GPC6: variants seen among roughly 807,000 people sequenced by gnomAD.
The protein encoded by GPC6 is glypican 6.
GPC6 carries 14 observed loss-of-function variants against 55.2 expected under a neutral mutation model. The observed-to-expected ratio is 0.25, with a 90% confidence interval of 0.17 to 0.40. The LOEUF is 0.40. GPC6 is among the 10% of genes least tolerant of loss of function. GPC6 has a pLI of 1.00. For missense variants in GPC6, 641 were observed against 708.5 expected, an observed-to-expected ratio of 0.90 and a Z score of 1.08; for synonymous variants, 278 against 259.6, an observed-to-expected ratio of 1.07 and a Z score of -0.68.
At chr13:93,457,735 T>C (rs1219162913) in intron 1 of GPC6, among the ~76,000 whole-genome samples, 1 of 150,160 alleles carries the variant, frequency 6.7e-6, no homozygotes, top group African/African-American at 2.4e-5. Context: ...TTCAAAGAAG[T>C]AGAGAAACGC....
At chr13:94,175,765 A>C (rs1344622548) in intron 4 of GPC6, among the ~76,000 whole-genome samples, 1 of 150,358 alleles carries the variant, frequency 6.7e-6, no homozygotes, top group Non-Finnish European at 1.5e-5. Context: ...GATATTGAGC[A>C]TCTTTCATAT....
At chr13:94,229,397 T>C (rs1328471383) in intron 4 of GPC6, among the ~76,000 whole-genome samples, 3 of 152,198 alleles carry the variant, frequency 2.0e-5, no homozygotes, top group Non-Finnish European at 4.4e-5. Flanking sequence ...AGAATATTTA[T>C]TGGTGTTTGT....
chr13:93,574,805 T>C (rs1465276706), intron 2 of GPC6, among the ~76,000 whole-genome samples: 2 of 152,180 alleles, frequency 1.3e-5, no homozygotes, highest in Non-Finnish European at 2.9e-5. Context: ...GAATATTTCA[T>C]ATAAATAGAA....
chr13:93,440,431 T>A (rs1566358610), intron 1 of GPC6, among the ~76,000 whole-genome samples: 3 of 152,202 alleles, frequency 2.0e-5, no homozygotes, highest in African/African-American at 7.2e-5. Flanking sequence ...TAATCAAATT[T>A]CACAGTTTTC....
At chr13:94,148,025 A>G (rs1375178374) in intron 4 of GPC6, among the ~76,000 whole-genome samples, 1 of 152,188 alleles carries the variant, frequency 6.6e-6, no homozygotes, top group Non-Finnish European at 1.5e-5. Flanking sequence ...CACAGAAAAT[A>G]TTCCAGCAAA....
At chr13:94,319,752 T>TATCA (rs1876722045) in intron 6 of GPC6, among the ~76,000 whole-genome samples, 1 of 152,216 alleles carries the variant, frequency 6.6e-6, no homozygotes, top group African/African-American at 2.4e-5. Flanking sequence ...AGAAGTTTGC[T>TATCA]ATCAGTTCTC....
At chr13:93,271,255 A>G (rs1877513682) in intron 1 of GPC6, among the ~76,000 whole-genome samples, 1 of 152,152 alleles carries the variant, frequency 6.6e-6, no homozygotes, top group South Asian at 2.1e-4. Context: ...CTTGACCTTT[A>G]TCTTCTGCTT....
chr13:93,424,360 G>T (rs907572166), intron 1 of GPC6, among the ~76,000 whole-genome samples: 1 of 152,100 alleles, frequency 6.6e-6, no homozygotes, highest in African/African-American at 2.4e-5. Context: ...CTTAGGCAAA[G>T]CAGCTCTCTT....
intron 1 of GPC6, among the ~76,000 whole-genome samples, chr13:93,310,598 C>T (rs1276363975): frequency 6.6e-6 from 1 of 152,092 alleles, no homozygotes; most frequent in Non-Finnish European, 1.5e-5. Flanking sequence ...CAAACCAGTC[C>T]CATAAGGAAA....
At chr13:94,331,593 C>T (rs9524440) in intron 6 of GPC6, among the ~76,000 whole-genome samples, 6,743 of 152,224 alleles carry the variant, frequency 0.044, 219 homozygotes, top group East Asian at 0.088. Flanking sequence ...TCCTTGTCCA[C>T]GGACAGCAGC....
intron 2 of GPC6, among the ~76,000 whole-genome samples, chr13:93,622,283 A>G (rs891663725): frequency 6.6e-6 from 1 of 152,228 alleles, no homozygotes. Context: ...AATGTTTAAC[A>G]TCTCACAAAG....
At chr13:93,407,340 T>G (rs1040953668) in intron 1 of GPC6, among the ~76,000 whole-genome samples, 1 of 152,084 alleles carries the variant, frequency 6.6e-6, no homozygotes, top group Non-Finnish European at 1.5e-5. Context: ...CACATCTTCC[T>G]TGTACTTTTA....
chr13:94,113,350 T>A (rs988116677), intron 4 of GPC6, among the ~76,000 whole-genome samples: 1 of 152,066 alleles, frequency 6.6e-6, no homozygotes, highest in Non-Finnish European at 1.5e-5. Flanking sequence ...AAAAGTTAAG[T>A]TAATCATACT....
intron 3 of GPC6, among the ~76,000 whole-genome samples, chr13:93,995,194 TTTTA>T (rs1555347315): frequency 6.6e-6 from 1 of 151,650 alleles, no homozygotes; most frequent in Non-Finnish European, 1.5e-5. Flanking sequence ...TTTTATTTTA[TTTTA>T]TTTTTTTGAG....
At chr13:94,047,924 A>G (rs935605390) in intron 4 of GPC6, among the ~76,000 whole-genome samples, 3 of 152,096 alleles carry the variant, frequency 2.0e-5, no homozygotes, top group Admixed American at 6.6e-5. Context: ...AATCTAGTTA[A>G]TGCATTTCTG....
chr13:93,875,190 C>T (rs1446985712), intron 3 of GPC6, among the ~76,000 whole-genome samples: 1 of 151,904 alleles, frequency 6.6e-6, no homozygotes, highest in South Asian at 2.1e-4. Flanking sequence ...CATATGGGGC[C>T]TCAATTTCCA....
Position 93,878,691 on chromosome 13 carries a change from C to T in GPC6, c.711+48146C>T, listed in dbSNP as rs1027444727. Among the ~76,000 whole-genome samples the T allele has an allele frequency of 4.6e-5, 7 of 152,092 alleles. No individual in the cohort carries two copies. The South Asian group carries it at 1.4e-3, about 31-fold the overall frequency. ...CCGCTCCTGGCCTACCCTTCAGACT[C>T]TTGTGCCATGTGAAGACAGAGCCTT... On this transcript the variant is annotated intron_variant, in intron 3 of 8. Transcript: ENST00000377047.
intron 4 of GPC6, among the ~76,000 whole-genome samples, chr13:94,117,328 A>C (rs921306640): frequency 1.3e-5 from 2 of 152,112 alleles, no homozygotes; most frequent in African/African-American, 4.8e-5. Flanking sequence ...TAATAATTCT[A>C]TGTCATTAAC....
chr13:94,280,405 TG>T (rs1229170308), intron 4 of GPC6, among the ~76,000 whole-genome samples: 3 of 152,208 alleles, frequency 2.0e-5, no homozygotes. Context: ...CCCCTCTAGC[TG>T]TGCTCTCTTT....
Sources: allele counts gnomAD v4.1 joint callset (sites outside exome capture counted in the v4.1 genomes callset), GRCh38; gene constraint gnomAD v4.1.1; transcripts MANE v1.5; gene names NCBI Gene and HGNC (gene_info 2026-07-23, HGNC 2026-07-21).